Variants in DLGAP1 observed in about 807,000 individuals in gnomAD.
DLGAP1 encodes the protein DLG associated protein 1, also known as disks large-associated protein 1.
A neutral mutation model predicts 90.8 loss-of-function variants in DLGAP1; 11 were observed. The observed-to-expected ratio is 0.12, with a 90% confidence interval of 0.08 to 0.20. The LOEUF is 0.20. DLGAP1 is among the 10% of genes least tolerant of loss of function. The pLI, the probability that DLGAP1 is intolerant of heterozygous loss-of-function variation, is 1.00. For missense variants in DLGAP1, 1,050 were observed against 1,333.8 expected, an observed-to-expected ratio of 0.79 and a Z score of 3.31; for synonymous variants, 558 against 540.7, an observed-to-expected ratio of 1.03 and a Z score of -0.44.
At chr18:3,769,648 CAG>C (rs2064422391) in intron 5 of DLGAP1, among the ~76,000 whole-genome samples, 1 of 152,018 alleles carries the variant, frequency 6.6e-6, no homozygotes, top group South Asian at 2.1e-4. Flanking sequence ...TGTAAAATGA[CAG>C]AGTTACAGAA....
chr18:4,242,402 A>G (rs1421637764), intron 1 of DLGAP1, among the ~76,000 whole-genome samples: 1 of 152,100 alleles, frequency 6.6e-6, no homozygotes, highest in African/African-American at 2.4e-5. Context: ...AAGTCCGCCC[A>G]GAATTCTGGC....
At chr18:4,225,486 CAG>C (rs2145005356) in intron 1 of DLGAP1, among the ~76,000 whole-genome samples, 1 of 152,104 alleles carries the variant, frequency 6.6e-6, no homozygotes, top group African/African-American at 2.4e-5. Flanking sequence ...CCTGGAAAGA[CAG>C]AGATATAGGA....
intron 2 of DLGAP1, among the ~76,000 whole-genome samples, chr18:4,058,517 C>G (rs569432969): frequency 6.6e-6 from 1 of 152,244 alleles, no homozygotes; most frequent in South Asian, 2.1e-4. Flanking sequence ...CTTTTAAGGG[C>G]CCTGCCTACT....
chr18:4,059,447 T>A (rs531969143), intron 2 of DLGAP1, among the ~76,000 whole-genome samples: 15 of 152,288 alleles, frequency 9.8e-5, no homozygotes, highest in African/African-American at 3.6e-4. Flanking sequence ...CTAGAAGGCA[T>A]GAGCCGCCGC....
Position 3,596,077 on chromosome 18 carries a change from TG to T in DLGAP1, c.1592-13830del, listed in dbSNP as rs569837498. On this transcript the variant is annotated intron_variant, in intron 7 of 12. Transcript: ENST00000315677. ...CAGCTGGTCTAGCAACACCTCTGGT[TG>T]GGGCAGACTGGGTCTTGTTGAGAGA... 4.7e-3 allele frequency among the ~76,000 whole-genome samples: 717 copies of T among 152,214 alleles called. 3 individuals carry two copies. Among genetic ancestry groups the T allele is most frequent in the African/African-American group, 0.016 (676 of 41,514 alleles).
At chr18:3,708,584 G>C (rs1567993585) in intron 7 of DLGAP1, 1 of 454,716 alleles carries the variant, frequency 2.2e-6, no homozygotes, top group Non-Finnish European at 4.4e-6. Flanking sequence ...AAGGGTGGAG[G>C]ATGAGGGAAT....
intron 2 of DLGAP1, among the ~76,000 whole-genome samples, chr18:4,020,524 C>G (rs547802035): frequency 6.6e-6 from 1 of 152,096 alleles, no homozygotes; most frequent in Admixed American, 6.6e-5. Flanking sequence ...GAAACATAAT[C>G]CTTGGTGTTG....
chr18:3,769,789 G>A (rs3909245), intron 5 of DLGAP1, among the ~76,000 whole-genome samples: 63,409 of 151,578 alleles, frequency 0.42, 14,544 homozygotes, highest in African/African-American at 0.61. Flanking sequence ...TTGACTACCA[G>A]TGTCAATATC....
At chr18:4,031,472 A>G (rs995501637) in intron 2 of DLGAP1, among the ~76,000 whole-genome samples, 3 of 152,246 alleles carry the variant, frequency 2.0e-5, no homozygotes, top group African/African-American at 7.2e-5. Context: ...GGGTACCATC[A>G]ACGTTTCATT....
chr18:3,698,118 C>T (rs1401345488), intron 7 of DLGAP1, among the ~76,000 whole-genome samples: 1 of 152,258 alleles, frequency 6.6e-6, no homozygotes, highest in East Asian at 1.9e-4. Flanking sequence ...CAGCACACCG[C>T]TGGGCCTTGA....
intron 2 of DLGAP1, among the ~76,000 whole-genome samples, chr18:4,144,302 T>A: frequency 6.6e-6 from 1 of 152,226 alleles, no homozygotes; most frequent in East Asian, 1.9e-4. Flanking sequence ...GACAGACAAT[T>A]CCCCTCTGGC....
At chr18:4,252,400 A>G (rs1209928516) in intron 1 of DLGAP1, among the ~76,000 whole-genome samples, 1 of 152,182 alleles carries the variant, frequency 6.6e-6, no homozygotes, top group Admixed American at 6.5e-5. Flanking sequence ...CAACCTCTTT[A>G]AGTATTGATG....
At chr18:3,654,922 T>C (rs1472699827) in intron 7 of DLGAP1, 2 of 152,190 alleles carry the variant, frequency 1.3e-5, no homozygotes, top group African/African-American at 4.8e-5. Context: ...ATACTGCCTT[T>C]TCAACTTGGT....
chr18:3,948,891 T>C (rs181216626), intron 3 of DLGAP1, among the ~76,000 whole-genome samples: 3 of 152,090 alleles, frequency 2.0e-5, no homozygotes, highest in East Asian at 3.9e-4. Flanking sequence ...TGTAACCAAA[T>C]ACCACCTGTT....
chr18:4,170,978 T>C (rs1159084830), intron 1 of DLGAP1, among the ~76,000 whole-genome samples: 1 of 152,142 alleles, frequency 6.6e-6, no homozygotes, highest in Non-Finnish European at 1.5e-5. Context: ...CATATCAGAA[T>C]TTTAAGGCTT....
intron 1 of DLGAP1, among the ~76,000 whole-genome samples, chr18:4,242,144 T>C (rs1414113885): frequency 6.6e-6 from 1 of 152,162 alleles, no homozygotes; most frequent in Non-Finnish European, 1.5e-5. Context: ...ATGATTCTGA[T>C]TTTTTGTAGA....
At chr18:3,857,727 T>C (rs1019369708) in intron 4 of DLGAP1, among the ~76,000 whole-genome samples, 2 of 152,158 alleles carry the variant, frequency 1.3e-5, no homozygotes, top group African/African-American at 2.4e-5. Flanking sequence ...TGATGTCTCA[T>C]CTTCTGACTT....
chr18:4,059,692 C>G (rs954738867), intron 2 of DLGAP1, among the ~76,000 whole-genome samples: 3 of 151,138 alleles, frequency 2.0e-5, no homozygotes, highest in African/African-American at 7.4e-5. Flanking sequence ...GCCTGGACAA[C>G]AGGAGCAAAA....
chr18:3,733,625 C>G (rs2062528197), intron 6 of DLGAP1, among the ~76,000 whole-genome samples: 2 of 152,000 alleles, frequency 1.3e-5, no homozygotes, highest in Non-Finnish European at 2.9e-5. Context: ...GGATGTAATC[C>G]CGTTGTAAGT....
Sources: gnomAD v4.1 joint callset for allele counts (sites outside exome capture counted in the v4.1 genomes callset) on GRCh38, gnomAD v4.1.1 for gene constraint, MANE v1.5 for transcripts, NCBI Gene and HGNC (gene_info 2026-07-23, HGNC 2026-07-21) for gene names.